The following UMODL1 variants were observed in gnomAD, a reference collection of about 807,000 sequenced individuals.
UMODL1 encodes the protein uromodulin-like 1.
UMODL1 carries 128 observed loss-of-function variants against 136.3 expected under a neutral mutation model. The observed-to-expected ratio is 0.94, with a 90% CI of 0.81 to 1.09. The LOEUF is 1.09. Among genes scored for constraint, UMODL1 ranks in the 50% least tolerant of loss-of-function variants. UMODL1 has a pLI of 0.00. For missense variants in UMODL1, 1,766 were observed against 1,725.6 expected (o/e 1.02, Z -0.41); for synonymous variants, 721 against 720.0 (o/e 1.00, Z -0.02).
intron 1 of UMODL1, among the ~76,000 whole-genome samples, chr21:42,072,993 T>C (rs220280): frequency 0.69 from 104,676 of 152,120 alleles, 37,206 homozygotes; most frequent in Admixed American, 0.8. Context: ...ATCTCCCGGG[T>C]TCCACAGGAG....
chr21:42,141,161 A>G (rs2067276373), intron 22 of UMODL1, among the ~76,000 whole-genome samples: 2 of 152,216 alleles, frequency 1.3e-5, no homozygotes, highest in Non-Finnish European at 2.9e-5. Flanking sequence ...AGAGAACTCA[A>G]GCCAATCCTC....
chr21:42,105,608 A>G (rs191813638), intron 9 of UMODL1, among the ~76,000 whole-genome samples: 4 of 152,312 alleles, frequency 2.6e-5, no homozygotes, highest in South Asian at 4.1e-4. Flanking sequence ...TTCAGTGACA[A>G]GTGTTCTTAT....
upstream of UMODL1, among the ~76,000 whole-genome samples, chr21:42,069,996 C>T (rs76171764): frequency 7.2e-5 from 11 of 152,272 alleles, 1 homozygote; most frequent in African/African-American, 1.7e-4. Flanking sequence ...ACCCGTTGTA[C>T]GCAGCCCCTT....
upstream of UMODL1, among the ~76,000 whole-genome samples, chr21:42,066,440 G>GCTTGGCTAATGA (rs1196572150): frequency 1.3e-5 from 2 of 152,136 alleles, no homozygotes; most frequent in African/African-American, 4.8e-5. Flanking sequence ...GTGTCACTAT[G>GCTTGGCTAATGA]CTTGGCTAAT....
rs149530188 is a variant in UMODL1 at position 42,128,466 on chromosome 21, C to G, written c.3690+635C>G. Among the ~76,000 whole-genome samples the G allele has an allele frequency of 1.9e-3, 296 of 151,850 alleles. 1 individual carries two copies. Among genetic ancestry groups the G allele is most frequent in the African/African-American group, 6.8e-3 (281 of 41,298 alleles). ...TTGCTCAGTGACCGAATGCTTCTCTCTCCTCGGAGGTAGTGCTTGTTCCTG... is the reference window on the plus strand; with the variant it reads ...TTGCTCAGTGACCGAATGCTTCTCTGTCCTCGGAGGTAGTGCTTGTTCCTG... On this transcript the variant is annotated intron_variant, in intron 20 of 22. Transcript: ENST00000408910.
In UMODL1 at chr21:42,126,398, G is replaced by A; in HGVS notation, c.3201G>A (p.Glu1067=). The A allele has an allele frequency of 9.3e-6, 15 of 1,614,194 alleles. No homozygotes were observed. Among genetic ancestry groups the A allele is most frequent in the Non-Finnish European group, 1.3e-5 (15 of 1,180,028 alleles). ...RTTLRNDLSQ[E]GIIHHLKILS... Reference sequence around the variant, plus strand: ...CGCTGAGGAACGACCTGTCCCAGGAGGGCATCATCCACCACCTGAAGATCC... The same window carrying A: ...CGCTGAGGAACGACCTGTCCCAGGAAGGCATCATCCACCACCTGAAGATCC... The change falls in exon 18 of 23, where the codon GAG becomes GAA. Residue 1067 remains glutamate, a synonymous_variant. Coordinates refer to ENST00000408910, the MANE Select transcript of UMODL1 (RefSeq NM_001004416.3).
chr21:42,115,589 C>T (rs1188696408), intron 13 of UMODL1, among the ~76,000 whole-genome samples: 2 of 152,158 alleles, frequency 1.3e-5, no homozygotes, highest in African/African-American at 4.8e-5. Flanking sequence ...GGGGGAACGG[C>T]AGCAAGGAAG....
chr21:42,082,525 G>C (rs1042108006), intron 2 of UMODL1, among the ~76,000 whole-genome samples: 1 of 152,170 alleles, frequency 6.6e-6, no homozygotes, highest in Admixed American at 6.5e-5. Flanking sequence ...GCCCCAGGGG[G>C]GCATGGCACC....
In UMODL1 at chr21:42,103,826, G is replaced by A. The variant is rs764146017; in HGVS notation, c.1300-42G>A. ...ACCTGGAACCCTGCTTAATGGTCGTGAAGACGTTGATGGATGTCTGCTGTT... is the reference window on the plus strand; with the variant it reads ...ACCTGGAACCCTGCTTAATGGTCGTAAAGACGTTGATGGATGTCTGCTGTT... On this transcript the variant is annotated intron_variant, in intron 8 of 22. Coordinates refer to ENST00000408910, the MANE Select transcript of UMODL1 (RefSeq NM_001004416.3). The A allele has an allele frequency of 8.7e-6, 14 of 1,610,134 alleles. No homozygotes were observed. The Admixed American group carries it at 2.3e-4, about 27-fold the overall frequency.
In UMODL1 at chr21:42,123,800, T is replaced by C. The variant is rs1390292848; in HGVS notation, c.3147+650T>C. 6.6e-6 allele frequency among the ~76,000 whole-genome samples: 1 copy of C among 151,774 alleles called. No homozygotes were observed. The highest frequency in any genetic ancestry group is 1.5e-5 in the Non-Finnish European group (1 of 68,012). ...TTGTCCATGTGTGAGTGTGTATGTA[T>C]GGGTGTGTGTTTGGGGGGCATTGGA... On this transcript the variant is annotated intron_variant, in intron 17 of 22. Coordinates refer to ENST00000408910, the MANE Select transcript of UMODL1 (RefSeq NM_001004416.3). This position sits in a 1 kb window ranked among gnomAD's most constrained non-coding sequence, Gnocchi z 4.4.
At chr21:42,076,280 C>G (rs376125824) in intron 2 of UMODL1, 33 bp downstream of exon 2, 10 of 1,609,416 alleles carry the variant, frequency 6.2e-6, no homozygotes, top group Non-Finnish European at 7.7e-6. Context: ...GGGGCGGGGC[C>G]ACCCTTGCCG....
At position 42,111,127 on chromosome 21, in the gene UMODL1, C is replaced by A. The variant is rs559924472; in HGVS notation, c.1899+6C>A. 7 of 1,604,080 alleles carry A rather than the reference C, an allele frequency of 4.4e-6. No individual in the cohort carries two copies. The South Asian group carries it at 7.8e-5, about 18-fold the overall frequency. ...GAAAAGGCGTGGAGCAGGAGGTGCC[C>A]AGCACTGCCCCGGGTCTGGGGATGG... On this transcript the variant is annotated splice_donor_region_variant and intron_variant, in intron 11 of 22. Transcript: ENST00000408910.
At chr21:42,105,432 C>T (rs944098240) in intron 9 of UMODL1, among the ~76,000 whole-genome samples, 1 of 152,180 alleles carries the variant, frequency 6.6e-6, no homozygotes, top group African/African-American at 2.4e-5. Flanking sequence ...ATGAGAACCT[C>T]GGCAGCAGGG....
intron 13 of UMODL1, 102 bp downstream of exon 13, chr21:42,113,932 A>C: frequency 6.9e-7 from 1 of 1,452,562 alleles, no homozygotes; most frequent in Non-Finnish European, 9.2e-7. Context: ...ATGGGCTGCT[A>C]GGTGTCATTG....
intron 2 of UMODL1, among the ~76,000 whole-genome samples, chr21:42,076,610 C>T (rs900047750): frequency 1.3e-5 from 2 of 152,096 alleles, no homozygotes; most frequent in South Asian, 2.1e-4. Context: ...GGAATTGGCC[C>T]GGGGCGTTGA....
At chr21:42,116,728 C>G (rs898087595) in intron 14 of UMODL1, among the ~76,000 whole-genome samples, 1 of 152,102 alleles carries the variant, frequency 6.6e-6, no homozygotes, top group Non-Finnish European at 1.5e-5. Flanking sequence ...GTGCAACCAT[C>G]ACTACTAATT....
intron 21 of UMODL1, among the ~76,000 whole-genome samples, chr21:42,135,288 T>G (rs750138584): frequency 5.3e-5 from 8 of 152,236 alleles, no homozygotes; most frequent in Non-Finnish European, 1.2e-4. Context: ...TTTCAGGGCT[T>G]GCTCTCCACT....
At position 42,085,211 on chromosome 21, in the gene UMODL1, T is replaced by A; in HGVS notation, c.482-80T>A. The A allele has an allele frequency of 6.4e-7, 1 of 1,552,300 alleles. No homozygotes were observed. On this transcript the variant is annotated intron_variant, in intron 3 of 22. Transcript: ENST00000408910. The surrounding 1 kb of genome is among the most constrained non-coding windows in gnomAD (Gnocchi z 4.5). ...TCTCATGGCCTCTGGTTCCCTCTCC[T>A]GCCCCCTCTCCCACCCCAGCAGCTT...
chr21:42,128,839 G>A (rs917784801), intron 20 of UMODL1, among the ~76,000 whole-genome samples: 3 of 152,214 alleles, frequency 2.0e-5, no homozygotes, highest in Non-Finnish European at 4.4e-5. Flanking sequence ...CTTTAGGATG[G>A]ATAGATAGTG....
Sources: gnomAD v4.1 joint callset for allele counts (sites outside exome capture counted in the v4.1 genomes callset) on GRCh38, gnomAD v4.1.1 for gene constraint, Gnocchi (gnomAD v3.1) non-coding constraint, MANE v1.5 for transcripts, NCBI Gene and HGNC (gene_info 2026-07-23, HGNC 2026-07-21) for gene names.